The following CNTN4 variants were observed in gnomAD, a reference collection of about 807,000 sequenced individuals.
The protein encoded by CNTN4 is contactin-4.
A neutral mutation model predicts 122.5 loss-of-function variants in CNTN4; 77 were observed. The ratio of observed to expected loss-of-function variants is 0.63; its 90% CI spans 0.52 to 0.76. CNTN4 has a LOEUF of 0.76. Among genes scored for constraint, CNTN4 ranks in the 30% least tolerant of loss-of-function variants. The pLI, the probability that CNTN4 is intolerant of heterozygous loss-of-function variation, is 0.00. For synonymous variants in CNTN4, 512 were observed against 447.0 expected (o/e 1.15, Z -1.83); for missense variants, 1,256 against 1,259.1 (o/e 1.00, Z 0.04).
chr3:2,744,361 A>G (rs2089640511), intron 5 of CNTN4, among the ~76,000 whole-genome samples: 1 of 152,254 alleles, frequency 6.6e-6, no homozygotes, highest in Admixed American at 6.5e-5. Context: ...GATGATACAC[A>G]GTGAATGTGC....
intron 4 of CNTN4, among the ~76,000 whole-genome samples, chr3:2,603,251 G>A (rs941897881): frequency 2.8e-4 from 43 of 152,250 alleles, no homozygotes; most frequent in African/African-American, 9.4e-4. Context: ...AAACATGGAA[G>A]ACTAATGAGA....
intron 2 of CNTN4, among the ~76,000 whole-genome samples, chr3:2,308,627 T>C (rs1425499564): frequency 6.6e-6 from 1 of 152,096 alleles, no homozygotes; most frequent in Non-Finnish European, 1.5e-5. Flanking sequence ...AATTTCCCTT[T>C]TGATTTTTTT....
intron 2 of CNTN4, among the ~76,000 whole-genome samples, chr3:2,320,707 T>C (rs1207757361): frequency 6.6e-6 from 1 of 152,150 alleles, no homozygotes; most frequent in Non-Finnish European, 1.5e-5. Context: ...CAAATATCAA[T>C]GTGAACTCAG....
chr3:2,728,070 C>G (rs1240096454), intron 4 of CNTN4, among the ~76,000 whole-genome samples: 1 of 152,096 alleles, frequency 6.6e-6, no homozygotes, highest in Non-Finnish European at 1.5e-5. Flanking sequence ...TTTGAACATG[C>G]CTTGCTGTCT....
intron 2 of CNTN4, among the ~76,000 whole-genome samples, chr3:2,313,044 T>C (rs1404206957): frequency 6.6e-6 from 1 of 151,974 alleles, no homozygotes; most frequent in African/African-American, 2.4e-5. Flanking sequence ...TAAAATGAAG[T>C]AATGTTCAAC....
chr3:2,234,618 G>C (rs965559930), intron 2 of CNTN4, among the ~76,000 whole-genome samples: 5 of 152,040 alleles, frequency 3.3e-5, no homozygotes, highest in African/African-American at 9.7e-5. Context: ...CCTAACATTA[G>C]GAAAAAGTCA....
chr3:2,329,962 C>T (rs1038247158), intron 2 of CNTN4, among the ~76,000 whole-genome samples: 20 of 152,076 alleles, frequency 1.3e-4, no homozygotes, highest in Non-Finnish European at 2.5e-4. Context: ...CATTTAATTC[C>T]GATGCTGTCT....
chr3:2,567,064 T>G (rs1006539026), intron 3 of CNTN4, among the ~76,000 whole-genome samples: 1 of 151,646 alleles, frequency 6.6e-6, no homozygotes, highest in Non-Finnish European at 1.5e-5. Flanking sequence ...CTCGTAGACT[T>G]CAGAATCAAG....
At chr3:2,642,251 A>G (rs1240577577) in intron 4 of CNTN4, among the ~76,000 whole-genome samples, 2 of 152,192 alleles carry the variant, frequency 1.3e-5, no homozygotes, top group African/African-American at 4.8e-5. Context: ...AGAAAGATGT[A>G]GGGTGGGAGA....
chr3:2,726,280 A>G (rs1236017416), intron 4 of CNTN4, among the ~76,000 whole-genome samples: 4 of 152,224 alleles, frequency 2.6e-5, no homozygotes, highest in African/African-American at 9.6e-5. Flanking sequence ...TCACCCATGC[A>G]TGGGAACCAA....
chr3:2,553,981 C>T (rs2078619526), intron 3 of CNTN4, among the ~76,000 whole-genome samples: 1 of 152,146 alleles, frequency 6.6e-6, no homozygotes, highest in South Asian at 2.1e-4. Flanking sequence ...TTTTCTGTAA[C>T]TACCAAACTG....
In CNTN4 at chr3:2,168,108, G is replaced by A. The variant is rs147958318; in HGVS notation, c.-145+67469G>A. Reference sequence around the variant, plus strand: ...TGATGAGGCCATTGCACCCCACTCTGACCTGGGTGACAGAGTAAGACCTTG... The same window carrying A: ...TGATGAGGCCATTGCACCCCACTCTAACCTGGGTGACAGAGTAAGACCTTG... On this transcript the variant is annotated intron_variant, in intron 2 of 24. Transcript: ENST00000418658. Among the ~76,000 whole-genome samples the A allele has an allele frequency of 6.9e-3, 1,052 of 152,254 alleles. 16 individuals are homozygous for A. Among genetic ancestry groups the A allele is most frequent in the South Asian group, 0.035 (171 of 4,824 alleles).
intron 3 of CNTN4, among the ~76,000 whole-genome samples, chr3:2,562,199 A>C (rs1403090165): frequency 2.0e-5 from 3 of 152,194 alleles, no homozygotes; most frequent in Non-Finnish European, 4.4e-5. Flanking sequence ...AGAGTGTTTA[A>C]ATATCCACAA....
At chr3:2,995,443 A>G (rs554141423) in intron 14 of CNTN4, among the ~76,000 whole-genome samples, 18 of 152,320 alleles carry the variant, frequency 1.2e-4, no homozygotes, top group Admixed American at 9.2e-4. Context: ...TGCTGATTGC[A>G]TACCATGACA....
chr3:2,993,924 T>G (rs566964693), intron 14 of CNTN4, among the ~76,000 whole-genome samples: 1 of 152,316 alleles, frequency 6.6e-6, no homozygotes, highest in African/African-American at 2.4e-5. Context: ...ACTTTAGAAC[T>G]TGGATACGAG....
chr3:2,405,666 A>C (rs1178827028), intron 3 of CNTN4, among the ~76,000 whole-genome samples: 1 of 152,156 alleles, frequency 6.6e-6, no homozygotes, highest in Non-Finnish European at 1.5e-5. Context: ...TTCCTTCCAG[A>C]AGAATTATAA....
chr3:2,463,887 A>G (rs749234681), intron 3 of CNTN4, among the ~76,000 whole-genome samples: 1 of 152,198 alleles, frequency 6.6e-6, no homozygotes, highest in Non-Finnish European at 1.5e-5. Flanking sequence ...CTAGAGGAAG[A>G]TGCTGCCTTT....
intron 3 of CNTN4, among the ~76,000 whole-genome samples, chr3:2,373,216 G>A (rs1220001276): frequency 6.6e-6 from 1 of 152,178 alleles, no homozygotes; most frequent in East Asian, 1.9e-4. Flanking sequence ...TTGTTCTTTA[G>A]TTAACCTCAG....
Position 2,190,504 on chromosome 3 carries a change from CT to C in CNTN4, c.-145+89875del, listed in dbSNP as rs915429147. Among the ~76,000 whole-genome samples the C allele has an allele frequency of 3.1e-4, 46 of 149,154 alleles. 1 individual carries two copies. Among genetic ancestry groups the C allele is most frequent in the African/African-American group, 1.0e-3 (41 of 40,694 alleles). ...TCTTTAGGAGCTGGAAAGATTTCTC[CT>C]TTTTTTTTTCTTTTTTTGCATCACA... On this transcript the variant is annotated intron_variant, in intron 2 of 24. Transcript: ENST00000418658.
Sources: gnomAD v4.1 joint callset for allele counts (sites outside exome capture counted in the v4.1 genomes callset) on GRCh38, gnomAD v4.1.1 for gene constraint, MANE v1.5 for transcripts, NCBI Gene and HGNC (gene_info 2026-07-23, HGNC 2026-07-21) for gene names.